EPB41L5: variants seen among roughly 807,000 people sequenced by gnomAD.
The protein encoded by EPB41L5 is band 4.1-like protein 5.
Under a neutral mutation model 106.6 loss-of-function variants are expected in EPB41L5, and 55 were observed. That is an observed-to-expected ratio of 0.52 (90% CI 0.42 to 0.65). EPB41L5 has a LOEUF of 0.65. Among genes scored for constraint, EPB41L5 ranks in the 30% least tolerant of loss-of-function variants. EPB41L5 has a pLI of 0.00. For synonymous variants in EPB41L5, 297 were observed against 306.7 expected (o/e 0.97, Z 0.33); for missense variants, 871 against 882.1 (o/e 0.99, Z 0.16).
intron 17 of EPB41L5, among the ~76,000 whole-genome samples, chr2:120,130,495 T>G (rs1685644123): frequency 6.6e-6 from 1 of 152,202 alleles, no homozygotes; most frequent in Non-Finnish European, 1.5e-5. Context: ...GACAAAATAG[T>G]ATAGCAGAAA....
intron 16 of EPB41L5, among the ~76,000 whole-genome samples, chr2:120,125,687 G>A (rs578213628): frequency 1.5e-4 from 23 of 152,248 alleles, no homozygotes; most frequent in Non-Finnish European, 2.6e-4. Context: ...ATTCTCTCAC[G>A]GAATGCCTTT....
intron 24 of EPB41L5, 103 bp downstream of exon 24, chr2:120,168,110 C>T (rs1687499245): frequency 6.0e-6 from 8 of 1,329,922 alleles, no homozygotes; most frequent in Middle Eastern, 2.3e-4. Flanking sequence ...TCTTCCCTAA[C>T]TGAACTATAT....
At chr2:120,090,875 C>T (rs1244747020) in intron 12 of EPB41L5, among the ~76,000 whole-genome samples, 1 of 152,132 alleles carries the variant, frequency 6.6e-6, no homozygotes, top group Non-Finnish European at 1.5e-5. Flanking sequence ...GTCTGGATAA[C>T]ATTTGTGGTC....
At chr2:120,022,069 T>C (rs1210425749) in intron 2 of EPB41L5, among the ~76,000 whole-genome samples, 1 of 152,222 alleles carries the variant, frequency 6.6e-6, no homozygotes, top group Non-Finnish European at 1.5e-5. Flanking sequence ...TCTTTGAAAA[T>C]ACGACAGTAA....
chr2:120,096,362 C>T (rs1449078941), intron 14 of EPB41L5, among the ~76,000 whole-genome samples: 3 of 152,036 alleles, frequency 2.0e-5, no homozygotes, highest in African/African-American at 7.3e-5. Flanking sequence ...ATAAATATAA[C>T]AGGGAGGAAG....
chr2:120,100,473 A>C (rs985860865), intron 15 of EPB41L5, among the ~76,000 whole-genome samples, 187 bp downstream of exon 15: 3 of 152,310 alleles, frequency 2.0e-5, no homozygotes, highest in African/African-American at 7.2e-5. Flanking sequence ...TTTGTAAAGG[A>C]AACCGGTGCT....
At chr2:120,019,973 A>C (rs1677815104) in intron 2 of EPB41L5, among the ~76,000 whole-genome samples, 1 of 152,050 alleles carries the variant, frequency 6.6e-6, no homozygotes, top group Non-Finnish European at 1.5e-5. Flanking sequence ...CATGTTTGAA[A>C]GGGGTTAGCT....
At chr2:120,151,508 G>C (rs1378162557) in intron 20 of EPB41L5, among the ~76,000 whole-genome samples, 2 of 151,380 alleles carry the variant, frequency 1.3e-5, no homozygotes, top group Non-Finnish European at 2.9e-5. Flanking sequence ...GGAGGCAAAA[G>C]ACTTGTACAC....
In EPB41L5 at chr2:120,059,594, C is replaced by T. The variant is rs115973631; in HGVS notation, c.286-13584C>T. Reference sequence around the variant, plus strand: ...TATATCACACATCTGACCAGGAACTCGTGTCTAGCATATATACACAATGCC... The same window carrying T: ...TATATCACACATCTGACCAGGAACTTGTGTCTAGCATATATACACAATGCC... On this transcript the variant is annotated intron_variant, in intron 3 of 24. Coordinates refer to ENST00000263713, the MANE Select transcript of EPB41L5 (RefSeq NM_020909.4). Among the ~76,000 whole-genome samples, 906 of 152,306 alleles carry T rather than the reference C, an allele frequency of 5.9e-3. 4 individuals are homozygous for T. The highest frequency in any genetic ancestry group is 0.018 in the African/African-American group (764 of 41,564).
At chr2:120,065,943 C>T (rs1402101580) in intron 3 of EPB41L5, among the ~76,000 whole-genome samples, 1 of 152,164 alleles carries the variant, frequency 6.6e-6, no homozygotes, top group Non-Finnish European at 1.5e-5. Flanking sequence ...GTTCTTCACT[C>T]TGCCAACACA....
intron 3 of EPB41L5, among the ~76,000 whole-genome samples, chr2:120,051,376 C>T (rs552289277): frequency 2.3e-4 from 35 of 152,280 alleles, no homozygotes; most frequent in South Asian, 1.4e-3. Context: ...CCCCCAGCCT[C>T]GCTGCCACCT....
At chr2:120,105,306 A>G in intron 16 of EPB41L5, 1 of 959,082 alleles carries the variant, frequency 1.0e-6, no homozygotes, top group Non-Finnish European at 1.2e-6. Context: ...CAAATTTTTA[A>G]ACTATGTACA....
At chr2:120,073,072 C>A in intron 3 of EPB41L5, 106 bp from the exon 4 acceptor site, 4 of 927,080 alleles carry the variant, frequency 4.3e-6, no homozygotes, top group East Asian at 2.7e-5. Flanking sequence ...TGAAGTATTT[C>A]CTTGCGGTTA....
chr2:120,027,560 A>G (rs956217308), intron 2 of EPB41L5, among the ~76,000 whole-genome samples: 1 of 152,148 alleles, frequency 6.6e-6, no homozygotes. Context: ...GGGGTTGACA[A>G]CTATAATATA....
rs1030013564 is a variant in EPB41L5 at position 120,023,760 on chromosome 2, A to C, written c.180+4496A>C. 2.7e-4 allele frequency among the ~76,000 whole-genome samples: 41 copies of C among 152,196 alleles called. 1 individual carries two copies. The highest frequency in any genetic ancestry group is 8.0e-4 in the African/African-American group (33 of 41,442). ...TGATGGGGATAGCATTGAATGTATA[A>C]ATTACTGTGGGCAGTATGGCCATTT... On this transcript the variant is annotated intron_variant, in intron 2 of 24. Coordinates refer to ENST00000263713, the MANE Select transcript of EPB41L5 (RefSeq NM_020909.4).
At position 120,131,678 on chromosome 2, in the gene EPB41L5, C is replaced by G; in HGVS notation, c.1562C>G (p.Ser521Cys). Residue 521 changes from serine (S) to cysteine (C), a missense_variant, in exon 18 of 25, where the codon TCC becomes TGC. By Grantham distance (112) the Ser-to-Cys change is moderately radical. Transcript: ENST00000263713. ...QLEMENSPLLSPRSNIDVNIN... is the reference protein window; with the variant it reads ...QLEMENSPLLCPRSNIDVNIN... ...GAGATGGAGAACAGTCCTTTGCTGT[C>G]CCCTCGATCCAACATCGATGTTAAC... The G allele has an allele frequency of 6.2e-7, 1 of 1,613,750 alleles. No individual in the cohort carries two copies. Among genetic ancestry groups the G allele is most frequent in the Non-Finnish European group, 8.5e-7 (1 of 1,179,820 alleles).
chr2:120,043,167 C>A (rs1317178496), intron 3 of EPB41L5, among the ~76,000 whole-genome samples: 1 of 151,974 alleles, frequency 6.6e-6, no homozygotes, highest in Non-Finnish European at 1.5e-5. Context: ...AATTAAGTAA[C>A]CATGAGCATA....
chr2:120,174,036 A>C (rs919087899), intron 24 of EPB41L5, among the ~76,000 whole-genome samples: 2 of 152,084 alleles, frequency 1.3e-5, no homozygotes, highest in Non-Finnish European at 2.9e-5. Flanking sequence ...ATCTAAACTC[A>C]CGCAGTTCAC....
intron 16 of EPB41L5, among the ~76,000 whole-genome samples, chr2:120,120,861 A>G (rs1392688462): frequency 2.0e-5 from 3 of 152,222 alleles, no homozygotes; most frequent in African/African-American, 4.8e-5. Flanking sequence ...CACGCCTGCA[A>G]TCCCAGCACC....
Sources: allele counts gnomAD v4.1 joint callset (sites outside exome capture counted in the v4.1 genomes callset), GRCh38; gene constraint gnomAD v4.1.1; transcripts MANE v1.5; gene names NCBI Gene and HGNC (gene_info 2026-07-23, HGNC 2026-07-21).